Variants in SLC25A17 observed in about 807,000 individuals in gnomAD.
SLC25A17 encodes the protein solute carrier family 25 member 17.
In SLC25A17, 26 loss-of-function variants were observed where a neutral mutation model predicts 38.5. The ratio of observed to expected loss-of-function variants is 0.68; its 90% confidence interval spans 0.50 to 0.94. The LOEUF (loss-of-function observed/expected upper bound fraction) is 0.94, where lower values mean the gene tolerates loss of function less well. SLC25A17 is among the 40% of genes least tolerant of loss of function. The pLI is 0.00. For synonymous variants in SLC25A17, 139 were observed against 136.2 expected (o/e 1.02, Z -0.14); for missense variants, 333 against 372.7 (o/e 0.89, Z 0.88).
At chr22:40,780,687 A>G (rs1488773035) in intron 4 of SLC25A17, among the ~76,000 whole-genome samples, 4 of 152,232 alleles carry the variant, frequency 2.6e-5, no homozygotes, top group Non-Finnish European at 4.4e-5. Flanking sequence ...AGAGCTCAGG[A>G]CCAGAGATCA....
intron 8 of SLC25A17, 59 bp downstream of exon 8, chr22:40,773,878 C>T: frequency 8.3e-7 from 1 of 1,199,942 alleles, no homozygotes; most frequent in East Asian, 2.3e-5. Flanking sequence ...TGCAACCCCT[C>T]CCTGGCAGAG....
chr22:40,784,622 A>C (rs1376227928), intron 4 of SLC25A17: 4 of 213,384 alleles, frequency 1.9e-5, no homozygotes, highest in Non-Finnish European at 3.1e-5. Context: ...AAAAATAAAA[A>C]AAAATTAGCT....
intron 2 of SLC25A17, chr22:40,797,185 G>T (rs1199939195): frequency 1.8e-5 from 10 of 549,206 alleles, no homozygotes; most frequent in Non-Finnish European, 3.0e-5. Context: ...TTTGCCTGTT[G>T]AATCATGTAA....
intron 1 of SLC25A17, among the ~76,000 whole-genome samples, chr22:40,815,532 G>A (rs1046137317): frequency 2.0e-5 from 3 of 152,210 alleles, no homozygotes; most frequent in African/African-American, 7.2e-5. Flanking sequence ...AGATGGCCAT[G>A]AGGCAAGAGA....
At chr22:40,807,267 AACAACCC>A (rs2057538663) in intron 1 of SLC25A17, among the ~76,000 whole-genome samples, 1 of 152,164 alleles carries the variant, frequency 6.6e-6, no homozygotes, top group African/African-American at 2.4e-5. Context: ...TAATCCTCAC[AACAACCC>A]AGTGAAGCAG....
intron 8 of SLC25A17, among the ~76,000 whole-genome samples, chr22:40,773,010 A>G (rs1280451135): frequency 1.3e-5 from 2 of 152,144 alleles, no homozygotes; most frequent in Admixed American, 6.6e-5. Context: ...AAGTTATAAG[A>G]GCTTTTGCTT....
chr22:40,805,694 A>G (rs888688484), intron 1 of SLC25A17, among the ~76,000 whole-genome samples: 8 of 152,178 alleles, frequency 5.3e-5, no homozygotes, highest in Non-Finnish European at 8.8e-5. Context: ...AAGTCCTCGC[A>G]TTCAAAGGGC....
intron 8 of SLC25A17, 37 bp from the exon 9 acceptor site, chr22:40,771,018 T>G (rs1407924731): frequency 4.0e-6 from 6 of 1,505,736 alleles, no homozygotes; most frequent in Non-Finnish European, 5.4e-6. Flanking sequence ...AGAAGTCAGC[T>G]CCTGCATCAG....
intron 1 of SLC25A17, chr22:40,799,495 C>G (rs1003669545): frequency 3.3e-5 from 5 of 152,866 alleles, no homozygotes; most frequent in South Asian, 2.1e-4. Context: ...TCCTGAGTAG[C>G]TGGGATTACA....
At chr22:40,810,488 C>T (rs2145704994) in intron 1 of SLC25A17, among the ~76,000 whole-genome samples, 1 of 151,974 alleles carries the variant, frequency 6.6e-6, no homozygotes, top group African/African-American at 2.4e-5. Context: ...GCTGGGATTA[C>T]AGGCATGCGC....
At chr22:40,793,302 C>T (rs577204405) in intron 3 of SLC25A17, among the ~76,000 whole-genome samples, 169 of 152,264 alleles carry the variant, frequency 1.1e-3, no homozygotes, top group South Asian at 2.9e-3. Context: ...GTTGGAAAGT[C>T]GTCATTTTGC....
At chr22:40,787,245 T>A (rs567848042) in intron 4 of SLC25A17, among the ~76,000 whole-genome samples, 2 of 152,260 alleles carry the variant, frequency 1.3e-5, no homozygotes, top group South Asian at 4.1e-4. Context: ...AGACCACAGT[T>A]GCTGTAGAGG....
chr22:40,775,645 A>T (rs1157042978), intron 7 of SLC25A17, among the ~76,000 whole-genome samples: 1 of 150,758 alleles, frequency 6.6e-6, no homozygotes, highest in Non-Finnish European at 1.5e-5. Flanking sequence ...TTGTATTTTT[A>T]GTAGAGACGG....
chr22:40,792,663 G>A lies in SLC25A17; in HGVS notation c.196C>T (p.Arg66Ter), dbSNP rs2057394625. 3.1e-6 allele frequency: 5 copies of A among 1,613,842 alleles called. No homozygotes were observed. The highest frequency in any genetic ancestry group is 4.2e-6 in the Non-Finnish European group (5 of 1,179,938). The change falls in exon 4 of 9, where the codon CGA (arginine) becomes TGA (stop). Residue 66 changes from arginine (R) to a stop codon, truncating the protein, a stop_gained. Transcript: ENST00000435456. LOFTEE classifies it high-confidence loss of function. ...CTGGAAATCACTGGAAACCACCCTC[G>A]ATATGGTGCCAGGCTAGGGGAAAAA... ...IKEEGLLAPY[R>*]GWFPVISSLC...
At position 40,813,052 on chromosome 22, in the gene SLC25A17, CACAG is replaced by C. The variant is rs144290972; in HGVS notation, c.54+6139_54+6142del. Among the ~76,000 whole-genome samples the C allele has an allele frequency of 8.1e-4, 123 of 152,216 alleles. 1 individual carries two copies. The highest frequency in any genetic ancestry group is 2.8e-3 in the African/African-American group (117 of 41,524). Reference sequence around the variant, plus strand: ...TAACAATCAAGCTAACTCATACATACACAGACAGATAGGCAAGTTACACAAATGG... The same window carrying C: ...TAACAATCAAGCTAACTCATACATACACAGATAGGCAAGTTACACAAATGG... On this transcript the variant is annotated intron_variant, in intron 1 of 8. Coordinates refer to ENST00000435456, the MANE Select transcript of SLC25A17 (RefSeq NM_006358.4).
chr22:40,775,378 G>A (rs1470189399), intron 7 of SLC25A17, among the ~76,000 whole-genome samples: 1 of 151,236 alleles, frequency 6.6e-6, no homozygotes, highest in African/African-American at 2.4e-5. Context: ...CTAAATCATG[G>A]GGGTGGTTTC....
intron 8 of SLC25A17, among the ~76,000 whole-genome samples, chr22:40,771,726 G>A (rs535723531): frequency 8.5e-5 from 13 of 152,224 alleles, no homozygotes; most frequent in South Asian, 2.1e-4. Flanking sequence ...GAGTAGTGGC[G>A]GGGGGAAGGT....
chr22:40,793,379 T>C (rs1313034253), intron 3 of SLC25A17, among the ~76,000 whole-genome samples: 3 of 152,134 alleles, frequency 2.0e-5, no homozygotes, highest in Non-Finnish European at 4.4e-5. Context: ...TTTTGAAGTA[T>C]CTCCACATAG....
intron 1 of SLC25A17, among the ~76,000 whole-genome samples, chr22:40,803,875 A>G (rs2057505926): frequency 1.3e-5 from 2 of 149,332 alleles, no homozygotes; most frequent in African/African-American, 5.0e-5. Context: ...TATGCTACAC[A>G]TTTCCACTAT....
Sources: allele counts gnomAD v4.1 joint callset (sites outside exome capture counted in the v4.1 genomes callset), GRCh38; gene constraint gnomAD v4.1.1; transcripts MANE v1.5; gene names NCBI Gene and HGNC (gene_info 2026-07-23, HGNC 2026-07-21).